The following BRIP1 variants were observed in gnomAD, a reference collection of about 807,000 sequenced individuals.
The protein encoded by BRIP1 is Fanconi anemia group J protein.
BRIP1 carries 88 observed loss-of-function variants against 119.7 expected under a neutral mutation model. The ratio of observed to expected loss-of-function variants is 0.74; its 90% CI spans 0.62 to 0.88. The LOEUF (loss-of-function observed/expected upper bound fraction) is 0.88. Among genes scored for constraint, BRIP1 ranks in the 40% least tolerant of loss-of-function variants. BRIP1 has a pLI of 0.00. For missense variants in BRIP1, 1,259 were observed against 1,455.4 expected (o/e 0.87, Z 2.20); for synonymous variants, 443 against 496.5 (o/e 0.89, Z 1.43).
At position 61,793,255 on chromosome 17, in the gene BRIP1, C is replaced by T. The variant is rs931455014; in HGVS notation, c.1473+342G>A. Among the ~76,000 whole-genome samples the T allele has an allele frequency of 2.0e-5, 3 of 151,870 alleles. No homozygotes were observed. The highest frequency in any genetic ancestry group is 2.9e-5 in the Non-Finnish European group (2 of 67,950). On this transcript the variant is annotated intron_variant, in intron 10 of 19. Coordinates refer to ENST00000259008, the MANE Select transcript of BRIP1 (RefSeq NM_032043.3). The surrounding 1 kb of genome is among the most constrained non-coding windows in gnomAD (Gnocchi z 5.2). ...TTTATAATTTCTAAATTAAGATGAA[C>T]AAAATAGGAATTTCTCCTCTTTTTA...
At position 61,684,446 on chromosome 17, in the gene BRIP1, AG is replaced by A; in HGVS notation, c.2906-307del. On this transcript the variant is annotated intron_variant, in intron 19 of 19. Coordinates refer to ENST00000259008, the MANE Select transcript of BRIP1 (RefSeq NM_032043.3). This position sits in a 1 kb window ranked among gnomAD's most constrained non-coding sequence, Gnocchi z 4.5. Reference sequence around the variant, plus strand: ...AGGGAAGAGGAAGGGAGCTGAGGAAAGGAGGGAACAGGCTGTAAACATTTGC... The same window carrying A: ...AGGGAAGAGGAAGGGAGCTGAGGAAAGAGGGAACAGGCTGTAAACATTTGC... Among the ~76,000 whole-genome samples, 1 of 152,280 alleles carries A rather than the reference AG, an allele frequency of 6.6e-6. No individual in the cohort carries two copies. The highest frequency in any genetic ancestry group is 3.4e-3 in the Middle Eastern group (1 of 294).
In BRIP1 at chr17:61,753,175, CAG is replaced by C. The variant is rs1269603246; in HGVS notation, c.2098-8586_2098-8585del. The stretch of plus-strand genomic sequence containing the variant: ...TACTCTGAGCCACCCTGGGACTCAG[CAG>C]AGAGTTCCCACCAGCAAGAAGGCCC... On this transcript the variant is annotated intron_variant, in intron 14 of 19. Transcript: ENST00000259008. This position sits in a 1 kb window ranked among gnomAD's most constrained non-coding sequence, Gnocchi z 4.6. Among the ~76,000 whole-genome samples the C allele has an allele frequency of 6.6e-6, 1 of 152,166 alleles. No individual in the cohort carries two copies. Among genetic ancestry groups the C allele is most frequent in the African/African-American group, 2.4e-5 (1 of 41,434 alleles).
In BRIP1 at chr17:61,683,884, T is replaced by C. The variant is rs2144086078; in HGVS notation, c.3162A>G (p.Glu1054=). The change falls in exon 20 of 20, where the codon GAA becomes GAG. Residue 1054 remains glutamate (E), a synonymous_variant. Coordinates refer to ENST00000259008, the MANE Select transcript of BRIP1 (RefSeq NM_032043.3). This position sits in a 1 kb window ranked among gnomAD's most constrained non-coding sequence, Gnocchi z 4.7. The stretch of plus-strand genomic sequence containing the variant: ...ATGTGTTTACTGTCAGATTTGAGGA[T>C]TCACATTTATCAGTGAAGGGCAAAA... ...KTVLPFTDKC[E]SSNLTVNTSF... is the part of the protein sequence containing the mutation. 6.2e-7 allele frequency: 1 copy of C among 1,614,216 alleles called. No homozygotes were observed. Among genetic ancestry groups the C allele is most frequent in the Non-Finnish European group, 8.5e-7 (1 of 1,180,036 alleles).
rs1339549078 is a variant in BRIP1 at position 61,687,698 on chromosome 17, T to C, written c.2576-1533A>G. Among the ~76,000 whole-genome samples, 1 of 152,158 alleles carries C rather than the reference T, an allele frequency of 6.6e-6. No individual in the cohort carries two copies. The highest frequency in any genetic ancestry group is 1.5e-5 in the Non-Finnish European group (1 of 68,020). On this transcript the variant is annotated intron_variant, in intron 18 of 19. Transcript: ENST00000259008. The surrounding 1 kb of genome is among the most constrained non-coding windows in gnomAD (Gnocchi z 5.1). ...TAGTAATCACTCCTGGTATTGACTC[T>C]GAAAACTGTTTACTGTTGGATGAAA...
At position 61,699,652 on chromosome 17, in the gene BRIP1, T is replaced by C. The variant is rs938083476; in HGVS notation, c.2493-6140A>G. ...AGAATTAACATTGTAGGTTGGATTG[T>C]TTACCCCTAGAAAGGTCTGTTTAAA... On this transcript the variant is annotated intron_variant, in intron 17 of 19. Coordinates refer to ENST00000259008, the MANE Select transcript of BRIP1 (RefSeq NM_032043.3). The surrounding 1 kb of genome is among the most constrained non-coding windows in gnomAD (Gnocchi z 4.8). Among the ~76,000 whole-genome samples the C allele has an allele frequency of 1.3e-5, 2 of 152,194 alleles. No homozygotes were observed. Among genetic ancestry groups the C allele is most frequent in the African/African-American group, 4.8e-5 (2 of 41,454 alleles).
Position 61,729,185 on chromosome 17 carries a change from A to C in BRIP1, c.2380-13122T>G, listed in dbSNP as rs2076810470. Among the ~76,000 whole-genome samples the C allele has an allele frequency of 6.6e-6, 1 of 152,112 alleles. No individual in the cohort carries two copies. Among genetic ancestry groups the C allele is most frequent in the Non-Finnish European group, 1.5e-5 (1 of 68,022 alleles). ...TCCCAGCTACTCGGGAGGCTGAGGC[A>C]GGAGGATCGCTTGAGCCTGGGAGGT... On this transcript the variant is annotated intron_variant, in intron 16 of 19. Transcript: ENST00000259008. This position sits in a 1 kb window ranked among gnomAD's most constrained non-coding sequence, Gnocchi z 5.6.
rs1401830781 is a variant in BRIP1, at chr17:61,685,914, C to T, written c.2827G>A (p.Val943Ile). The T allele has an allele frequency of 1.9e-6, 3 of 1,614,014 alleles. No homozygotes were observed. The South Asian group carries it at 3.3e-5, about 18-fold the overall frequency. Residue 943 changes from valine to isoleucine, a missense_variant, in exon 19 of 20, where the codon GTC (valine) becomes ATC (isoleucine). By Grantham distance (29) the Val-to-Ile change is conservative. Transcript: ENST00000259008. ...ATTTTAGGACACTGTAGTTCCTGGACACATATCTTTGCTTCATCTTCCACA... is the reference window on the plus strand; with the variant it reads ...ATTTTAGGACACTGTAGTTCCTGGATACATATCTTTGCTTCATCTTCCACA... Reference protein sequence around the residue: ...NFVEDEAKICVQELQCPKIIT... With the variant: ...NFVEDEAKICIQELQCPKIIT...
chr17:61,770,620 G>T lies in BRIP1; in HGVS notation c.2097+5781C>A, dbSNP rs1203602505. Among the ~76,000 whole-genome samples the T allele has an allele frequency of 6.6e-6, 1 of 151,336 alleles. No individual in the cohort carries two copies. The highest frequency in any genetic ancestry group is 1.5e-5 in the Non-Finnish European group (1 of 67,856). ...ATTTTTATAATAATGACACAAAGAAGGTAGGATTAAAAAAACAGCTACATA... is the reference window on the plus strand; with the variant it reads ...ATTTTTATAATAATGACACAAAGAATGTAGGATTAAAAAAACAGCTACATA... On this transcript the variant is annotated intron_variant, in intron 14 of 19. Coordinates refer to ENST00000259008, the MANE Select transcript of BRIP1 (RefSeq NM_032043.3). The surrounding 1 kb of genome is among the most constrained non-coding windows in gnomAD (Gnocchi z 4.7).
At chr17:61,721,984 C>T (rs2061986839) in intron 16 of BRIP1, among the ~76,000 whole-genome samples, 1 of 151,816 alleles carries the variant, frequency 6.6e-6, no homozygotes, top group African/African-American at 2.4e-5. Flanking sequence ...CCACCTCAAC[C>T]TCCCAAAGTG....
intron 4 of BRIP1, among the ~76,000 whole-genome samples, chr17:61,854,803 C>A (rs1343085303): frequency 6.6e-6 from 1 of 151,874 alleles, no homozygotes; most frequent in African/African-American, 2.4e-5. Context: ...AACATACATC[C>A]ATACAAAGAT....
At chr17:61,750,342 T>A (rs990268610) in intron 14 of BRIP1, among the ~76,000 whole-genome samples, 2 of 152,196 alleles carry the variant, frequency 1.3e-5, no homozygotes, top group African/African-American at 2.4e-5. Flanking sequence ...AAGTAACACC[T>A]TGCCTACATA....
intron 6 of BRIP1, among the ~76,000 whole-genome samples, chr17:61,813,609 G>T (rs375986369): frequency 4.6e-5 from 7 of 151,924 alleles, no homozygotes; most frequent in African/African-American, 1.7e-4. Flanking sequence ...ATTTTTCAAG[G>T]CCAAAAAGAA....
At chr17:61,766,182 G>C (rs1206101132) in intron 14 of BRIP1, among the ~76,000 whole-genome samples, 1 of 152,150 alleles carries the variant, frequency 6.6e-6, no homozygotes. Context: ...GGAGTTCTAA[G>C]GCAAATGCTT....
Position 61,784,257 on chromosome 17 carries a change from T to C in BRIP1, c.1628+13A>G. The C allele has an allele frequency of 2.5e-6, 4 of 1,608,380 alleles. No individual in the cohort carries two copies. Among genetic ancestry groups the C allele is most frequent in the Non-Finnish European group, 3.4e-6 (4 of 1,175,708 alleles). On this transcript the variant is annotated intron_variant, in intron 11 of 19. Coordinates refer to ENST00000259008, the MANE Select transcript of BRIP1 (RefSeq NM_032043.3). Reference sequence around the variant, plus strand: ...TTTTAAAAGGAAAATACATACTAGTTATCTTCACTTACCTGCTATTTTGCC... The same window carrying C: ...TTTTAAAAGGAAAATACATACTAGTCATCTTCACTTACCTGCTATTTTGCC...
In BRIP1 at chr17:61,709,557, G is replaced by C. The variant is rs1167404707; in HGVS notation, c.2492+6394C>G. Among the ~76,000 whole-genome samples, 1 of 152,168 alleles carries C rather than the reference G, an allele frequency of 6.6e-6. No homozygotes were observed. Among genetic ancestry groups the C allele is most frequent in the Non-Finnish European group, 1.5e-5 (1 of 68,026 alleles). On this transcript the variant is annotated intron_variant, in intron 17 of 19. Coordinates refer to ENST00000259008, the MANE Select transcript of BRIP1 (RefSeq NM_032043.3). The surrounding 1 kb of genome is among the most constrained non-coding windows in gnomAD (Gnocchi z 5.0). ...AGTATTGAAAGTCAATGGAAAGTCA[G>C]TGTGCCACTGTATTTTGGTTCCAGT...
rs1202305127 is a variant in BRIP1, at chr17:61,735,659, G to A, written c.2379+7354C>T. Among the ~76,000 whole-genome samples the A allele has an allele frequency of 6.6e-6, 1 of 151,994 alleles. No homozygotes were observed. The highest frequency in any genetic ancestry group is 2.4e-5 in the African/African-American group (1 of 41,370). Reference sequence around the variant, plus strand: ...AAAAACCACGTTTAAAAATTAGCTGGGTGTGGTGGCGTGTGGCTGTAGTGC... The same window carrying A: ...AAAAACCACGTTTAAAAATTAGCTGAGTGTGGTGGCGTGTGGCTGTAGTGC... On this transcript the variant is annotated intron_variant, in intron 16 of 19. Coordinates refer to ENST00000259008, the MANE Select transcript of BRIP1 (RefSeq NM_032043.3). This position sits in a 1 kb window ranked among gnomAD's most constrained non-coding sequence, Gnocchi z 4.4.
intron 19 of BRIP1, chr17:61,685,431 A>G (rs1181269487): frequency 5.2e-6 from 1 of 193,386 alleles, no homozygotes; most frequent in African/African-American, 2.3e-5. Context: ...CATAAAAATT[A>G]GGCCAAATTT....
At position 61,686,025 on chromosome 17, in the gene BRIP1, C is replaced by T. The variant is rs759080195; in HGVS notation, c.2716G>A (p.Glu906Lys). The change falls in exon 19 of 20, where the codon GAG becomes AAG. Residue 906 changes from glutamate (E) to lysine (K), a missense_variant. By Grantham distance (56) the Glu-to-Lys change is moderately conservative (BLOSUM62 1). Around this residue, in one of 3 missense-constraint regions of BRIP1, gnomAD observed 753 missense variants for 891.8 expected, o/e 0.84. Transcript: ENST00000259008. The surrounding 1 kb of genome is among the most constrained non-coding windows in gnomAD (Gnocchi z 5.4). ...IKDRTNIQDN[E>K]STLEVTSLKY... ...AAAGAGGTCACTTCAAGTGTAGACT[C>T]ATTGTCCTGTATATTGGTTCTGTCC... 6.2e-7 allele frequency: 1 copy of T among 1,613,810 alleles called. No individual in the cohort carries two copies. Among genetic ancestry groups the T allele is most frequent in the South Asian group, 1.1e-5 (1 of 91,046 alleles).
chr17:61,824,976 T>A lies in BRIP1; in HGVS notation c.628-16219A>T, dbSNP rs899745722. On this transcript the variant is annotated intron_variant, in intron 6 of 19. Transcript: ENST00000259008. This position sits in a 1 kb window ranked among gnomAD's most constrained non-coding sequence, Gnocchi z 4.3. ...GAGCAAAAGCTAGAAGCATTTCCCC[T>A]GAAAACCAGCACAAGAAAAGGAAGC... Among the ~76,000 whole-genome samples the A allele has an allele frequency of 6.6e-6, 1 of 152,112 alleles. No homozygotes were observed. The highest frequency in any genetic ancestry group is 2.4e-5 in the African/African-American group (1 of 41,434).
Sources: allele counts gnomAD v4.1 joint callset (sites outside exome capture counted in the v4.1 genomes callset), GRCh38; gene constraint gnomAD v4.1.1; regional missense constraint gnomAD v4.1.1; non-coding constraint Gnocchi (gnomAD v3.1); transcripts MANE v1.5; gene names NCBI Gene and HGNC (gene_info 2026-07-23, HGNC 2026-07-21).